PRR16: variants seen among roughly 807,000 people sequenced by gnomAD.
The protein encoded by PRR16 is proline rich 16.
Under a neutral mutation model 18.2 loss-of-function variants are expected in PRR16, and 6 were observed. The observed-to-expected ratio is 0.33, with a 90% CI of 0.18 to 0.65. The LOEUF (loss-of-function observed/expected upper bound fraction) is 0.65. PRR16 is among the 30% of genes least tolerant of loss of function. The probability of loss-of-function intolerance (pLI) is 0.74; values close to 1 mark genes in which losing one functional copy is unlikely to be tolerated. For synonymous variants in PRR16, 151 were observed against 147.8 expected, an observed-to-expected ratio of 1.02 and a Z score of -0.16; for missense variants, 412 against 376.6, an observed-to-expected ratio of 1.09 and a Z score of -0.78.
the PRR16 span, among the ~76,000 whole-genome samples, chr5:120,785,917 T>C: frequency 3.3e-5 from 5 of 151,848 alleles, no homozygotes; most frequent in Non-Finnish European, 7.4e-5. Flanking sequence ...AGTTACCCAT[T>C]TGCTTTTTAT....
At chr5:120,675,560 A>T (rs1351975061) in intron 1 of PRR16, among the ~76,000 whole-genome samples, 1 of 152,128 alleles carries the variant, frequency 6.6e-6, no homozygotes, top group African/African-American at 2.4e-5. Context: ...ACTCATCTGT[A>T]TATTTATAAA....
chr5:120,743,496 T>C, the PRR16 span, among the ~76,000 whole-genome samples: 3 of 152,202 alleles, frequency 2.0e-5, no homozygotes, highest in Admixed American at 2.0e-4. Flanking sequence ...GTTATTGTTC[T>C]GTCTTCTGCA....
At chr5:120,583,349 G>A (rs1753337760) in intron 1 of PRR16, among the ~76,000 whole-genome samples, 1 of 130,120 alleles carries the variant, frequency 7.7e-6, no homozygotes, top group Non-Finnish European at 1.6e-5. Context: ...GTGTGTGTGT[G>A]CAAGTAATCC....
intron 1 of PRR16, among the ~76,000 whole-genome samples, chr5:120,563,438 G>T (rs960177765): frequency 3.9e-5 from 6 of 152,162 alleles, no homozygotes; most frequent in Non-Finnish European, 7.3e-5. Context: ...AGCTAAGCTG[G>T]CATCAAACCA....
chr5:120,773,051 G>A, the PRR16 span, among the ~76,000 whole-genome samples: 1 of 152,048 alleles, frequency 6.6e-6, no homozygotes, highest in South Asian at 2.1e-4. Flanking sequence ...TATAGCATGT[G>A]TCTACTTCTG....
chr5:120,793,506 C>T, the PRR16 span, among the ~76,000 whole-genome samples: 1 of 151,818 alleles, frequency 6.6e-6, no homozygotes, highest in Admixed American at 6.6e-5. Context: ...GAAGGTAAGA[C>T]ATCAGAAGAC....
the PRR16 span, among the ~76,000 whole-genome samples, chr5:120,716,390 C>G: frequency 6.6e-6 from 1 of 152,192 alleles, no homozygotes; most frequent in Non-Finnish European, 1.5e-5. Context: ...CTATCTACTC[C>G]ATAAACCAGC....
chr5:120,681,200 C>T (rs2167022), intron 1 of PRR16, among the ~76,000 whole-genome samples: 142,998 of 152,206 alleles, frequency 0.94, 67,688 homozygotes, highest in East Asian at 1. Flanking sequence ...CGATGCTTTT[C>T]GTTGTCATTT....
chr5:120,586,932 G>T (rs1164198445), intron 1 of PRR16, among the ~76,000 whole-genome samples: 1 of 152,164 alleles, frequency 6.6e-6, no homozygotes. Flanking sequence ...CAAACAGTTA[G>T]CCAAGTTGTG....
chr5:120,689,705 T>C (rs964775448), downstream of PRR16, among the ~76,000 whole-genome samples: 3 of 151,824 alleles, frequency 2.0e-5, no homozygotes, highest in Non-Finnish European at 2.9e-5. Context: ...AAATAGGACA[T>C]ATTTCAAAAG....
chr5:120,673,614 G>T, intron 1 of PRR16, among the ~76,000 whole-genome samples: 1 of 151,894 alleles, frequency 6.6e-6, no homozygotes, highest in East Asian at 1.9e-4. Context: ...TACTATCTAT[G>T]CTATGGCTAT....
At chr5:120,645,391 CCA>C (rs1491143751) in intron 1 of PRR16, among the ~76,000 whole-genome samples, 17 of 146,454 alleles carry the variant, frequency 1.2e-4, no homozygotes, top group East Asian at 8.0e-4. Context: ...CATCCCCCCC[CCA>C]CACACACACA....
rs186033927 is a variant in PRR16 at position 120,576,282 on chromosome 5, T to A, written c.160-109672T>A. Among the ~76,000 whole-genome samples, 788 of 152,172 alleles carry A rather than the reference T, an allele frequency of 5.2e-3. 6 individuals carry two copies. The highest frequency in any genetic ancestry group is 0.011 in the Admixed American group (171 of 15,282). ...TGGTAAAGGAATATAATCCAAAATA[T>A]ATAAAAGACTCAAACAACTCAGTAA... On this transcript the variant is annotated intron_variant, in intron 1 of 1. Coordinates refer to ENST00000407149, the MANE Select transcript of PRR16 (RefSeq NM_001300783.2).
At chr5:120,726,447 T>A in the PRR16 span, among the ~76,000 whole-genome samples, 264 of 152,146 alleles carry the variant, frequency 1.7e-3, 2 homozygotes, top group African/African-American at 4.9e-3. Context: ...TTGATTTTTT[T>A]AAAATACAGA....
chr5:120,557,916 G>A (rs533652597), intron 1 of PRR16, among the ~76,000 whole-genome samples: 1 of 151,772 alleles, frequency 6.6e-6, no homozygotes, highest in Non-Finnish European at 1.5e-5. Context: ...GGGGGAGGAC[G>A]TAAGGTGTTG....
intron 1 of PRR16, among the ~76,000 whole-genome samples, chr5:120,548,477 C>T (rs895333167): frequency 6.6e-6 from 1 of 151,930 alleles, no homozygotes; most frequent in African/African-American, 2.4e-5. Context: ...ACTGGCTAAG[C>T]GTAACTTTTT....
chr5:120,653,716 GCAGT>G (rs1449524592), intron 1 of PRR16, among the ~76,000 whole-genome samples: 2 of 151,932 alleles, frequency 1.3e-5, no homozygotes, highest in Non-Finnish European at 2.9e-5. Context: ...CAAAGTTAAT[GCAGT>G]CATTTATTCT....
chr5:120,789,686 A>T, the PRR16 span, among the ~76,000 whole-genome samples: 2 of 152,138 alleles, frequency 1.3e-5, no homozygotes, highest in East Asian at 1.9e-4. Context: ...ACTGTTAGGA[A>T]TAAGGGAAGA....
chr5:120,544,184 A>G (rs1390791253), intron 1 of PRR16, among the ~76,000 whole-genome samples: 1 of 152,158 alleles, frequency 6.6e-6, no homozygotes, highest in Non-Finnish European at 1.5e-5. Context: ...CAGAGAATCC[A>G]TGCTCTTTCT....
Sources: allele counts gnomAD v4.1 joint callset (sites outside exome capture counted in the v4.1 genomes callset), GRCh38; gene constraint gnomAD v4.1.1; transcripts MANE v1.5; gene names NCBI Gene and HGNC (gene_info 2026-07-23, HGNC 2026-07-21).